KCMF1: variants seen among roughly 807,000 people sequenced by gnomAD.
KCMF1 encodes the protein potassium channel modulatory factor 1, also known as E3 ubiquitin-protein ligase KCMF1.
Under a neutral mutation model 41.1 loss-of-function variants are expected in KCMF1, and 3 were observed. That is an observed-to-expected ratio of 0.07 (90% CI 0.03 to 0.19). The LOEUF (loss-of-function observed/expected upper bound fraction) is 0.19, where lower values mean the gene tolerates loss of function less well. KCMF1 is among the 10% of genes least tolerant of loss of function. The pLI, the probability that KCMF1 is intolerant of heterozygous loss-of-function variation, is 1.00. For synonymous variants in KCMF1, 142 were observed against 164.5 expected, an observed-to-expected ratio of 0.86 and a Z score of 1.04; for missense variants, 286 against 488.9, an observed-to-expected ratio of 0.58 and a Z score of 3.91.
Position 85,056,589 on chromosome 2 carries a change from AAGG to A in KCMF1, c.*3183_*3185del, listed in dbSNP as rs561278431. On this transcript the variant is annotated 3_prime_UTR_variant, in exon 7 of 7. Coordinates refer to ENST00000409785, the MANE Select transcript of KCMF1 (RefSeq NM_020122.5). ...AAGGACAAAGTGGGTTGGGGGGTAG[AAGG>A]AGAATACTAGAGAGGTTACGGTAGC... 6.6e-6 allele frequency: 1 copy of A among 152,232 alleles called. No homozygotes were observed. Among genetic ancestry groups the A allele is most frequent in the Non-Finnish European group, 1.5e-5 (1 of 68,070 alleles). 9.4% of individuals were successfully genotyped at this position (152,232 alleles called of 1,614,324 possible).
At chr2:85,044,013 T>A (rs1355955082) in intron 4 of KCMF1, among the ~76,000 whole-genome samples, 1 of 152,258 alleles carries the variant, frequency 6.6e-6, no homozygotes, top group Non-Finnish European at 1.5e-5. Context: ...ACCATTTTCA[T>A]TAAGTGAAAG....
chr2:84,985,901 A>G (rs189730960), intron 1 of KCMF1, among the ~76,000 whole-genome samples: 6 of 152,228 alleles, frequency 3.9e-5, no homozygotes, highest in Admixed American at 2.0e-4. Context: ...TTTTAAAAAA[A>G]TATAACACAG....
At position 85,056,539 on chromosome 2, in the gene KCMF1, A is replaced by G. The variant is rs1201965281; in HGVS notation, c.*3130A>G. On this transcript the variant is annotated 3_prime_UTR_variant, in exon 7 of 7. Coordinates refer to ENST00000409785, the MANE Select transcript of KCMF1 (RefSeq NM_020122.5). ...TCCATGGATGTTGGGGTAAGCACATATATCAATAGTTCATAGCTCTAGTTA... is the reference window on the plus strand; with the variant it reads ...TCCATGGATGTTGGGGTAAGCACATGTATCAATAGTTCATAGCTCTAGTTA... 2.6e-5 allele frequency: 4 copies of G among 152,222 alleles called. No homozygotes were observed. The highest frequency in any genetic ancestry group is 5.9e-5 in the Non-Finnish European group (4 of 68,048). The allele number at this position is 152,222 out of a possible 1,614,324, so 9.4% of individuals were successfully genotyped here.
rs1676006978 is a variant in KCMF1 at position 85,059,162 on chromosome 2, C to A, written c.*5753C>A. The A allele has an allele frequency of 6.6e-6, 1 of 152,130 alleles. No homozygotes were observed. Among genetic ancestry groups the A allele is most frequent in the African/African-American group, 2.4e-5 (1 of 41,444 alleles). 9.4% of individuals were successfully genotyped at this position (152,130 alleles called of 1,614,324 possible). ...ATCCATTTAATTTTGCCCACGAGAA[C>A]CTTTCATGACAATTAACAAGACACT... On this transcript the variant is annotated 3_prime_UTR_variant, in exon 7 of 7. Coordinates refer to ENST00000409785, the MANE Select transcript of KCMF1 (RefSeq NM_020122.5).
intron 1 of KCMF1, among the ~76,000 whole-genome samples, chr2:85,007,591 T>A (rs945399440): frequency 2.0e-5 from 3 of 152,158 alleles, no homozygotes; most frequent in African/African-American, 7.2e-5. Flanking sequence ...CTGAACCTTT[T>A]TCCTTAAGGC....
chr2:85,034,634 G>A (rs960562018), intron 2 of KCMF1, among the ~76,000 whole-genome samples: 4 of 152,142 alleles, frequency 2.6e-5, no homozygotes, highest in Admixed American at 6.5e-5. Flanking sequence ...CCTTGATCAC[G>A]TGACGTTGTT....
chr2:84,975,257 TG>T (rs1364829292), intron 1 of KCMF1, among the ~76,000 whole-genome samples: 1 of 149,512 alleles, frequency 6.7e-6, no homozygotes, highest in East Asian at 2.0e-4. Flanking sequence ...AAAAAAGTGG[TG>T]GTTGGATTTG....
chr2:85,052,301 C>T (rs1675827745), intron 6 of KCMF1, among the ~76,000 whole-genome samples: 1 of 152,114 alleles, frequency 6.6e-6, no homozygotes, highest in Non-Finnish European at 1.5e-5. Flanking sequence ...AAACTCCTGA[C>T]CTCAGGTGAT....
intron 4 of KCMF1, 26 bp from the exon 5 acceptor site, chr2:85,046,078 C>G (rs370005866): frequency 1.9e-6 from 3 of 1,575,970 alleles, no homozygotes; most frequent in Non-Finnish European, 2.6e-6. Context: ...GAAATACTTT[C>G]GTTTTTTTCT....
At chr2:85,016,193 T>C (rs184178217) in intron 1 of KCMF1, among the ~76,000 whole-genome samples, 1 of 152,206 alleles carries the variant, frequency 6.6e-6, no homozygotes, top group Non-Finnish European at 1.5e-5. Context: ...ATCTTGCTCC[T>C]GGATCATGCT....
chr2:85,005,672 T>C (rs907937170), intron 1 of KCMF1, among the ~76,000 whole-genome samples: 1 of 152,208 alleles, frequency 6.6e-6, no homozygotes, highest in African/African-American at 2.4e-5. Context: ...TTTATTTTTT[T>C]ATTTTTATTT....
chr2:85,021,534 A>C (rs746370305), intron 1 of KCMF1, among the ~76,000 whole-genome samples: 2 of 151,992 alleles, frequency 1.3e-5, no homozygotes, highest in African/African-American at 4.8e-5. Context: ...AGGCAGGACA[A>C]TGGCATGAAA....
At chr2:85,013,742 G>T (rs765596082) in intron 1 of KCMF1, among the ~76,000 whole-genome samples, 1 of 148,022 alleles carries the variant, frequency 6.8e-6, no homozygotes, top group Non-Finnish European at 1.5e-5. Context: ...AAGTGTCAGT[G>T]AGCCGAGATC....
Position 85,014,706 on chromosome 2 carries a change from CGCGTGCGT to C in KCMF1, c.17-13169_17-13162del, listed in dbSNP as rs200633560. Among the ~76,000 whole-genome samples the C allele has an allele frequency of 4.0e-4, 58 of 146,526 alleles. 1 individual carries two copies. The highest frequency in any genetic ancestry group is 1.1e-3 in the South Asian group (5 of 4,584). ...ACATGTATATGGAAATACTGGCGCG[CGCGTGCGT>C]GCGTGCGTGCGTGTGTGTGTGTGTG... On this transcript the variant is annotated intron_variant, in intron 1 of 6. Transcript: ENST00000409785.
chr2:84,998,283 C>T (rs1269154871), intron 1 of KCMF1, among the ~76,000 whole-genome samples: 1 of 151,652 alleles, frequency 6.6e-6, no homozygotes, highest in African/African-American at 2.4e-5. Context: ...TTAGTAGAAA[C>T]AGGGTTTCAC....
intron 1 of KCMF1, 28 bp downstream of exon 1, chr2:84,971,495 A>G: frequency 1.7e-6 from 2 of 1,205,328 alleles, no homozygotes; most frequent in Non-Finnish European, 1.1e-6. Flanking sequence ...CCCCACCCGC[A>G]CCTCCCGGGC....
intron 1 of KCMF1, among the ~76,000 whole-genome samples, chr2:85,007,101 C>CAAAAAAA (rs764401140): frequency 4.4e-4 from 23 of 51,842 alleles, no homozygotes; most frequent in Middle Eastern, 9.6e-3. Context: ...AACTCAGTCT[C>CAAAAAAA]AAAAAAAAAA....
rs371201009 is a variant in KCMF1 at position 85,031,102 on chromosome 2, ATAT to A, written c.184+3051_184+3053del. Among the ~76,000 whole-genome samples, 27 of 152,220 alleles carry A rather than the reference ATAT, an allele frequency of 1.8e-4. No individual in the cohort carries two copies. In the East Asian group the frequency reaches 4.8e-3, roughly 27 times the overall value. ...AGTCTTCCAACTTTGTTCTTTTTCA[ATAT>A]TATTTTGGGTATTCTGTGTCCGTTT... On this transcript the variant is annotated intron_variant, in intron 2 of 6. Transcript: ENST00000409785.
At chr2:85,000,899 A>G (rs956772288) in intron 1 of KCMF1, among the ~76,000 whole-genome samples, 1 of 150,074 alleles carries the variant, frequency 6.7e-6, no homozygotes, top group East Asian at 2.0e-4. Context: ...CCACCTCAGC[A>G]TCCTGAGTAG....
Sources: allele counts gnomAD v4.1 joint callset (sites outside exome capture counted in the v4.1 genomes callset), GRCh38; gene constraint gnomAD v4.1.1; transcripts MANE v1.5; gene names NCBI Gene and HGNC (gene_info 2026-07-23, HGNC 2026-07-21).